ZW10: variants seen among roughly 807,000 people sequenced by gnomAD.
ZW10 encodes the protein centromere/kinetochore protein zw10 homolog.
Under a neutral mutation model 87.8 loss-of-function variants are expected in ZW10, and 53 were observed. The observed-to-expected ratio is 0.60, with a 90% confidence interval of 0.48 to 0.76. The LOEUF is 0.76. ZW10 is among the 30% of genes least tolerant of loss of function. The probability of loss-of-function intolerance (pLI) is 0.00; values close to 1 mark genes in which losing one functional copy is unlikely to be tolerated. For synonymous variants in ZW10, 312 were observed against 329.2 expected (o/e 0.95, Z 0.57); for missense variants, 837 against 923.0 (o/e 0.91, Z 1.21).
intron 1 of ZW10, 92 bp downstream of exon 1, chr11:113,773,470 G>T: frequency 9.3e-7 from 1 of 1,080,800 alleles, no homozygotes; most frequent in Non-Finnish European, 1.4e-6. Flanking sequence ...TCCCCACTCT[G>T]TCTGCCCTTA....
intron 7 of ZW10, among the ~76,000 whole-genome samples, chr11:113,751,601 C>A (rs538638767): frequency 6.6e-6 from 1 of 152,160 alleles, no homozygotes; most frequent in Non-Finnish European, 1.5e-5. Flanking sequence ...GCTGGCTGGG[C>A]GCAGTGGCTC....
rs983886208 is a variant in ZW10 at position 113,744,151 on chromosome 11, G to C, written c.1273-111C>G. ...GCCTGTAATCCCAGCACTTTGGGAG[G>C]CCGAGGCGGGCAGATCACGAGGTCA... On this transcript the variant is annotated intron_variant, in intron 9 of 15. Coordinates refer to ENST00000200135, the MANE Select transcript of ZW10 (RefSeq NM_004724.4). 5 of 793,372 alleles carry C rather than the reference G, an allele frequency of 6.3e-6. No individual in the cohort carries two copies. In the African/African-American group the frequency reaches 8.7e-5, roughly 14 times the overall value. The allele number at this position is 793,372 out of a possible 1,614,324, so 49.1% of individuals were successfully genotyped here.
chr11:113,754,372 C>T (rs1295631044), intron 7 of ZW10, among the ~76,000 whole-genome samples: 1 of 151,400 alleles, frequency 6.6e-6, no homozygotes, highest in Non-Finnish European at 1.5e-5. Context: ...GTAATCCCAG[C>T]TACTCAGGAG....
In ZW10 at chr11:113,768,755, C is replaced by A. The variant is rs189778444; in HGVS notation, c.240+78G>T. 3.4e-6 allele frequency: 5 copies of A among 1,461,342 alleles called. No individual in the cohort carries two copies. In the Admixed American group the frequency reaches 8.4e-5, roughly 25 times the overall value. 90.5% of individuals were successfully genotyped at this position (1,461,342 alleles called of 1,614,324 possible). ...AAAAGTGAGGGTTTAAAAAGTTGTA[C>A]ACAATTAAGCTGTCTTAGCAATCAG... On this transcript the variant is annotated intron_variant, in intron 2 of 15. Coordinates refer to ENST00000200135, the MANE Select transcript of ZW10 (RefSeq NM_004724.4).
intron 1 of ZW10, among the ~76,000 whole-genome samples, chr11:113,772,447 G>C (rs1953976723): frequency 6.6e-6 from 1 of 152,178 alleles, no homozygotes; most frequent in Non-Finnish European, 1.5e-5. Context: ...TGCCCTTATG[G>C]TGTGTGGCAA....
chr11:113,756,930 A>G (rs1372345041), intron 7 of ZW10, among the ~76,000 whole-genome samples: 1 of 152,218 alleles, frequency 6.6e-6, no homozygotes, highest in African/African-American at 2.4e-5. Context: ...AAAACTATAG[A>G]AAAGTCCTTG....
At chr11:113,754,858 C>T (rs1205157693) in intron 7 of ZW10, among the ~76,000 whole-genome samples, 1 of 152,118 alleles carries the variant, frequency 6.6e-6, no homozygotes, top group East Asian at 1.9e-4. Context: ...CGCTATGTTA[C>T]CCAAATTCCT....
At chr11:113,761,970 AAAACAAAC>A (rs537944829) in intron 2 of ZW10, among the ~76,000 whole-genome samples, 2 of 152,138 alleles carry the variant, frequency 1.3e-5, no homozygotes, top group Admixed American at 6.5e-5. Flanking sequence ...TTCTTGCCAA[AAAACAAAC>A]AAACAAACAA....
At chr11:113,772,883 AGGCTGAGGCAGGAGAATC>A (rs1937653902) in intron 1 of ZW10, among the ~76,000 whole-genome samples, 1 of 151,110 alleles carries the variant, frequency 6.6e-6, no homozygotes, top group Non-Finnish European at 1.5e-5. Flanking sequence ...GCTACTCGGG[AGGCTGAGGCAGGAGAATC>A]GCTTGAACCC....
At chr11:113,771,155 T>C (rs1024687514) in intron 1 of ZW10, 4 of 151,826 alleles carry the variant, frequency 2.6e-5, no homozygotes, top group African/African-American at 9.7e-5. Flanking sequence ...TGTGTATTTT[T>C]AGTAGAGAAG....
rs374846349 is a variant in ZW10, at chr11:113,743,815, T to C, written c.1498A>G (p.Ser500Gly). 104 of 1,613,788 alleles carry C rather than the reference T, an allele frequency of 6.4e-5. No individual in the cohort carries two copies. The highest frequency in any genetic ancestry group is 1.5e-4 in the Admixed American group (9 of 60,032). Residue 500 changes from serine (S) to glycine (G), a missense_variant, in exon 10 of 16, where the codon AGT becomes GGT. Physicochemically the swap from Ser to Gly is moderately conservative, Grantham distance 56. Transcript: ENST00000200135. ...AYQTLLEATT[S>G]SDQCAVQLFY... is the part of the protein sequence containing the mutation. ...CAGAATTCGTACCATTGATCACTAC[T>C]GGTTGTTGCCTCTAGTAAAGTCTGA...
chr11:113,761,203 AC>A (rs1261454688), intron 2 of ZW10, among the ~76,000 whole-genome samples: 3 of 152,150 alleles, frequency 2.0e-5, no homozygotes, highest in African/African-American at 7.2e-5. Context: ...CAGAGAGCTC[AC>A]CCACCTGGAT....
chr11:113,741,749 A>G lies in ZW10; in HGVS notation c.1528T>C (p.Tyr510His). ...SSDQCAVQLF[Y>H]SVRNIFHLFH... is the part of the protein sequence containing the mutation. ...AAATGGAAGATATTCCTCACTGAGT[A>G]GAAAAGTTGAACAGCACTAAAAAGA... Residue 510 changes from tyrosine (Y) to histidine (H), a missense_variant, in exon 11 of 16, where the codon TAC (tyrosine) becomes CAC (histidine). Tyr to His is a moderately conservative substitution (Grantham distance 83). Coordinates refer to ENST00000200135, the MANE Select transcript of ZW10 (RefSeq NM_004724.4). 11 of 1,608,984 alleles carry G rather than the reference A, an allele frequency of 6.8e-6. No individual in the cohort carries two copies. Among genetic ancestry groups the G allele is most frequent in the Non-Finnish European group, 9.3e-6 (11 of 1,177,848 alleles).
chr11:113,741,022 C>T (rs549493145), intron 11 of ZW10, among the ~76,000 whole-genome samples: 21 of 152,044 alleles, frequency 1.4e-4, no homozygotes, highest in African/African-American at 4.8e-4. Flanking sequence ...TAATAAGGTT[C>T]ACAATAAGCT....
chr11:113,741,592 A>C, intron 11 of ZW10, 102 bp downstream of exon 11: 1 of 720,828 alleles, frequency 1.4e-6, no homozygotes, highest in Non-Finnish European at 2.1e-6. Context: ...ATGTTAGTAA[A>C]CAAAATATCT....
Position 113,757,975 on chromosome 11 carries a change from C to T in ZW10, c.734-122G>A, listed in dbSNP as rs997071734. The T allele has an allele frequency of 4.4e-6, 3 of 676,828 alleles. No individual in the cohort carries two copies. In the African/African-American group the frequency reaches 5.6e-5, roughly 13 times the overall value. 41.9% of individuals were successfully genotyped at this position (676,828 alleles called of 1,614,324 possible). A position where few individuals can be genotyped will look rare whatever the true frequency, so the allele number is the denominator to read the frequency against. Reference sequence around the variant, plus strand: ...CCGAGGCAGGTGGATCATCTGAGGCCAGCCTGGCCAACATGGTGAGATCCC... The same window carrying T: ...CCGAGGCAGGTGGATCATCTGAGGCTAGCCTGGCCAACATGGTGAGATCCC... On this transcript the variant is annotated intron_variant, in intron 6 of 15. Transcript: ENST00000200135.
intron 13 of ZW10, 74 bp downstream of exon 13, chr11:113,738,190 C>T: frequency 3.4e-6 from 5 of 1,475,634 alleles, no homozygotes; most frequent in Non-Finnish European, 4.5e-6. Context: ...TTGTTTTCTG[C>T]TTTAAAAAAG....
At chr11:113,769,761 A>T in intron 1 of ZW10, 1 of 425,458 alleles carries the variant, frequency 2.4e-6, no homozygotes, top group Non-Finnish European at 4.5e-6. Flanking sequence ...CCACAGAAGC[A>T]CCACCTATCA....
rs1438095681 is a variant in ZW10, at chr11:113,738,308, C to A, written c.1840G>T (p.Asp614Tyr). The part of the protein sequence containing the change: ...LSSARNFSNM[D>Y]DEENYSAASK... Reference sequence around the variant, plus strand: ...GCTGCAGAATAATTCTCTTCATCGTCCATATTTGAAAAGTTCCTAGCACTT... The same window carrying A: ...GCTGCAGAATAATTCTCTTCATCGTACATATTTGAAAAGTTCCTAGCACTT... Residue 614 changes from aspartate (D) to tyrosine (Y), a missense_variant, in exon 13 of 16, where the codon GAC (aspartate) becomes TAC (tyrosine). Asp to Tyr is a radical substitution (Grantham distance 160, BLOSUM62 -3). Transcript: ENST00000200135. The A allele has an allele frequency of 6.2e-7, 1 of 1,613,156 alleles. No individual in the cohort carries two copies. The highest frequency in any genetic ancestry group is 1.7e-5 in the Admixed American group (1 of 59,882).
Sources: gnomAD v4.1 joint callset for allele counts (sites outside exome capture counted in the v4.1 genomes callset) on GRCh38, gnomAD v4.1.1 for gene constraint, MANE v1.5 for transcripts, NCBI Gene and HGNC (gene_info 2026-07-23, HGNC 2026-07-21) for gene names.